Variants in CSMD2 observed in about 807,000 individuals in gnomAD.
The protein encoded by CSMD2 is CUB and Sushi multiple domains 2, also known as CUB and sushi domain-containing protein 2.
A neutral mutation model predicts 398.5 loss-of-function variants in CSMD2; 130 were observed. The ratio of observed to expected loss-of-function variants is 0.33; its 90% CI spans 0.28 to 0.38. The LOEUF (loss-of-function observed/expected upper bound fraction) is 0.38, where lower values mean the gene tolerates loss of function less well. CSMD2 is among the 10% of genes least tolerant of loss of function. The pLI is 1.00. For missense variants in CSMD2, 3,829 were observed against 4,764.9 expected, an observed-to-expected ratio of 0.80 and a Z score of 5.78; for synonymous variants, 1,828 against 1,908.5, an observed-to-expected ratio of 0.96 and a Z score of 1.10.
chr1:34,094,377 C>T (rs563272823), intron 1 of CSMD2, among the ~76,000 whole-genome samples: 2,514 of 151,932 alleles, frequency 0.017, 51 homozygotes, highest in African/African-American at 0.055. Flanking sequence ...CAGCTAACAT[C>T]ATCATGACAG....
intron 6 of CSMD2, among the ~76,000 whole-genome samples, chr1:33,829,950 G>T (rs574763285): frequency 1.3e-5 from 2 of 152,204 alleles, no homozygotes; most frequent in Non-Finnish European, 2.9e-5. Context: ...GCAGCAAGGC[G>T]GGGGGAGGGG....
chr1:33,991,720 T>G (rs1558213784), intron 3 of CSMD2, among the ~76,000 whole-genome samples: 2 of 152,194 alleles, frequency 1.3e-5, no homozygotes, highest in Non-Finnish European at 2.9e-5. Context: ...AGAGGGACCT[T>G]GGGCAAGTCA....
At chr1:33,865,445 T>A (rs1037058316) in intron 5 of CSMD2, among the ~76,000 whole-genome samples, 1 of 150,138 alleles carries the variant, frequency 6.7e-6, no homozygotes, top group Admixed American at 6.6e-5. Flanking sequence ...AGATCAATCG[T>A]TTTTCAGTGG....
intron 49 of CSMD2, among the ~76,000 whole-genome samples, chr1:33,576,414 A>T (rs957195126): frequency 1.3e-5 from 2 of 152,144 alleles, no homozygotes; most frequent in South Asian, 2.1e-4. Flanking sequence ...AATATGGTGA[A>T]ACCCTGTCTC....
intron 18 of CSMD2, 99 bp from the exon 19 acceptor site, chr1:33,724,412 A>G: frequency 2.0e-6 from 3 of 1,524,780 alleles, no homozygotes; most frequent in South Asian, 1.2e-5. Context: ...CGAAAGCCCA[A>G]CCTTCGCTGA....
At chr1:34,096,931 CA>C (rs1558381384) in intron 1 of CSMD2, among the ~76,000 whole-genome samples, 1 of 149,730 alleles carries the variant, frequency 6.7e-6, no homozygotes, top group South Asian at 2.1e-4. Context: ...CATATGAAAC[CA>C]AAAAAGAGCC....
chr1:34,106,201 C>G (rs1209658971), intron 1 of CSMD2, among the ~76,000 whole-genome samples: 1 of 152,076 alleles, frequency 6.6e-6, no homozygotes, highest in Non-Finnish European at 1.5e-5. Context: ...ATCTTACTAG[C>G]CATCTCCACG....
At chr1:33,808,181 A>T (rs1208577349) in intron 10 of CSMD2, among the ~76,000 whole-genome samples, 2 of 152,116 alleles carry the variant, frequency 1.3e-5, no homozygotes, top group Admixed American at 6.5e-5. Context: ...ATCATAATGG[A>T]AGATTTTAAT....
At chr1:33,978,227 C>CA (rs1184792818) in intron 3 of CSMD2, among the ~76,000 whole-genome samples, 1 of 152,188 alleles carries the variant, frequency 6.6e-6, no homozygotes, top group African/African-American at 2.4e-5. Flanking sequence ...CTCTTGGCCC[C>CA]ACCACATTGA....
chr1:33,899,177 G>A (rs571949415), intron 5 of CSMD2, among the ~76,000 whole-genome samples: 8 of 152,200 alleles, frequency 5.3e-5, no homozygotes, highest in Admixed American at 1.3e-4. Flanking sequence ...TCTGTCCCAC[G>A]CTCACCAGGG....
intron 5 of CSMD2, among the ~76,000 whole-genome samples, chr1:33,900,178 C>T (rs1329573450): frequency 6.6e-6 from 1 of 152,160 alleles, no homozygotes; most frequent in East Asian, 1.9e-4. Context: ...TCTTCTGTGC[C>T]CAATTATTTC....
intron 44 of CSMD2, among the ~76,000 whole-genome samples, chr1:33,590,398 A>G (rs1369000760): frequency 6.7e-6 from 1 of 149,032 alleles, no homozygotes; most frequent in Non-Finnish European, 1.5e-5. Context: ...TTGACCTCCC[A>G]AAGTGCTGGG....
intron 19 of CSMD2, among the ~76,000 whole-genome samples, chr1:33,717,776 G>A (rs919052146): frequency 2.0e-5 from 3 of 151,978 alleles, no homozygotes; most frequent in East Asian, 2.0e-4. Context: ...ATGGGCAGAA[G>A]TGACAGGGAG....
At chr1:33,931,169 C>T (rs1048291357) in intron 4 of CSMD2, among the ~76,000 whole-genome samples, 3 of 152,198 alleles carry the variant, frequency 2.0e-5, no homozygotes, top group Admixed American at 6.5e-5. Context: ...CAAATATTTA[C>T]GGACCACTGC....
At chr1:33,673,630 G>A (rs1166871874) in intron 25 of CSMD2, among the ~76,000 whole-genome samples, 2 of 152,044 alleles carry the variant, frequency 1.3e-5, no homozygotes, top group African/African-American at 4.8e-5. Flanking sequence ...GATACTCCTC[G>A]AGAAGAGCAA....
chr1:33,934,833 GAAA>G (rs10552121), intron 4 of CSMD2, among the ~76,000 whole-genome samples: 5,501 of 109,562 alleles, frequency 0.05, 141 homozygotes, highest in East Asian at 0.068. Context: ...CTGTCTCCAT[GAAA>G]AAAAAAAAAA....
chr1:33,734,036 T>C (rs916222936), intron 15 of CSMD2, among the ~76,000 whole-genome samples: 1 of 152,174 alleles, frequency 6.6e-6, no homozygotes, highest in Non-Finnish European at 1.5e-5. Flanking sequence ...CTTGCAAGAG[T>C]GGCAAGAAGA....
chr1:33,599,500 A>G (rs1370153277), intron 44 of CSMD2: 1 of 152,220 alleles, frequency 6.6e-6, no homozygotes, highest in African/African-American at 2.4e-5. Context: ...TATGATTCCT[A>G]TTTTGTGCAT....
At chr1:34,013,100 G>A (rs538375471) in intron 3 of CSMD2, among the ~76,000 whole-genome samples, 3 of 152,194 alleles carry the variant, frequency 2.0e-5, no homozygotes, top group Non-Finnish European at 4.4e-5. Flanking sequence ...TATGGCCATC[G>A]ACAAAGGCAC....
Sources: allele counts gnomAD v4.1 joint callset (sites outside exome capture counted in the v4.1 genomes callset), GRCh38; gene constraint gnomAD v4.1.1; transcripts MANE v1.5; gene names NCBI Gene and HGNC (gene_info 2026-07-23, HGNC 2026-07-21).